Variants in TSHZ1 observed in about 807,000 individuals in gnomAD.
The protein encoded by TSHZ1 is teashirt zinc finger homeobox 1, also known as teashirt homolog 1.
A neutral mutation model predicts 67.1 loss-of-function variants in TSHZ1; 12 were observed. The ratio of observed to expected loss-of-function variants is 0.18; its 90% CI spans 0.11 to 0.29. The LOEUF is 0.29. Among genes scored for constraint, TSHZ1 ranks in the 10% least tolerant of loss-of-function variants. The pLI, the probability that TSHZ1 is intolerant of heterozygous loss-of-function variation, is 1.00. For synonymous variants in TSHZ1, 632 were observed against 622.4 expected, an observed-to-expected ratio of 1.02 and a Z score of -0.23; for missense variants, 1,305 against 1,413.9, an observed-to-expected ratio of 0.92 and a Z score of 1.23.
At chr18:75,262,336 A>G (rs1237755203) in intron 1 of TSHZ1, among the ~76,000 whole-genome samples, 2 of 152,226 alleles carry the variant, frequency 1.3e-5, no homozygotes, top group African/African-American at 2.4e-5. Context: ...GTTGTACTAC[A>G]TGACACTGAG....
At chr18:75,251,950 A>G (rs2023309418) in intron 1 of TSHZ1, among the ~76,000 whole-genome samples, 1 of 152,232 alleles carries the variant, frequency 6.6e-6, no homozygotes, top group Non-Finnish European at 1.5e-5. Flanking sequence ...AAACTTGAAC[A>G]AAGAAAAAAA....
At chr18:75,250,865 C>T (rs2023294277) in intron 1 of TSHZ1, among the ~76,000 whole-genome samples, 1 of 152,176 alleles carries the variant, frequency 6.6e-6, no homozygotes. Flanking sequence ...GAGGCCTGGC[C>T]GCAGTTCTGC....
chr18:75,255,406 A>G (rs1414644586), intron 1 of TSHZ1, among the ~76,000 whole-genome samples: 1 of 152,202 alleles, frequency 6.6e-6, no homozygotes, highest in Non-Finnish European at 1.5e-5. Context: ...TAGGAAACAA[A>G]TATGCTAAAT....
intron 1 of TSHZ1, among the ~76,000 whole-genome samples, chr18:75,275,591 G>A (rs2023605802): frequency 6.6e-6 from 1 of 152,322 alleles, no homozygotes; most frequent in Admixed American, 6.5e-5. Flanking sequence ...TACCCTGGCT[G>A]ATGAAAGTCC....
At chr18:75,238,518 GACTA>G (rs562143575) in intron 1 of TSHZ1, among the ~76,000 whole-genome samples, 87 of 152,206 alleles carry the variant, frequency 5.7e-4, no homozygotes, top group Admixed American at 1.6e-3. Flanking sequence ...CTTGGAGTGA[GACTA>G]ACTGAGAAGA....
At chr18:75,268,562 G>C (rs2023519912) in intron 1 of TSHZ1, among the ~76,000 whole-genome samples, 1 of 152,144 alleles carries the variant, frequency 6.6e-6, no homozygotes. Flanking sequence ...CCCCGTGTCG[G>C]CTACAAAACC....
chr18:75,254,544 C>G lies in TSHZ1; in HGVS notation c.41-30904C>G, dbSNP rs905554966. 2.6e-5 allele frequency among the ~76,000 whole-genome samples: 4 copies of G among 152,138 alleles called. No individual in the cohort carries two copies. In the East Asian group the frequency reaches 7.7e-4, roughly 29 times the overall value. ...TTAAATTTTATTGTTCTGTTACACA[C>G]AGTTCTGATATTCACGAGTATCTTC... On this transcript the variant is annotated intron_variant, in intron 1 of 1. Coordinates refer to ENST00000580243, the MANE Select transcript of TSHZ1 (RefSeq NM_001308210.2).
chr18:75,232,229 A>T (rs7244710), intron 1 of TSHZ1, among the ~76,000 whole-genome samples: 35,278 of 152,082 alleles, frequency 0.23, 4,130 homozygotes, highest in East Asian at 0.33. Context: ...TTAGTAATTG[A>T]GGCTAGATTT....
At chr18:75,216,115 A>G (rs907319197) in intron 1 of TSHZ1, among the ~76,000 whole-genome samples, 1 of 152,196 alleles carries the variant, frequency 6.6e-6, no homozygotes, top group Non-Finnish European at 1.5e-5. Context: ...ATTATTATTT[A>G]TTCATACAGG....
intron 1 of TSHZ1, among the ~76,000 whole-genome samples, chr18:75,217,362 C>T (rs1391605763): frequency 6.6e-6 from 1 of 152,028 alleles, no homozygotes; most frequent in Non-Finnish European, 1.5e-5. Context: ...CTAGTTTGTC[C>T]CCTCTCCCCT....
rs2023742998 is a variant in TSHZ1 at position 75,285,630 on chromosome 18, G to A, written c.223G>A (p.Gly75Arg). Residue 75 changes from glycine to arginine, a missense_variant, in exon 2 of 2, where the codon GGG becomes AGG. Physicochemically the swap from Gly to Arg is moderately radical, Grantham distance 125. Around this residue, in one of 3 missense-constraint regions of TSHZ1, gnomAD observed 358 missense variants for 375.6 expected, o/e 0.95. Transcript: ENST00000580243. ...SSATNQDAGY[G>R]SPFSESSDQL... ...TGCGACTAACCAGGACGCCGGCTAC[G>A]GGTCGCCCTTCAGTGAGAGCAGCGA... 5 of 1,613,256 alleles carry A rather than the reference G, an allele frequency of 3.1e-6. No homozygotes were observed. Among genetic ancestry groups the A allele is most frequent in the East Asian group, 4.5e-5 (2 of 44,864 alleles).
At chr18:75,262,746 C>T (rs536780323) in intron 1 of TSHZ1, among the ~76,000 whole-genome samples, 9 of 152,268 alleles carry the variant, frequency 5.9e-5, no homozygotes, top group South Asian at 2.1e-4. Context: ...CTCTTCTCAG[C>T]GTCTTTCCTC....
At chr18:75,230,920 G>C (rs2022990263) in intron 1 of TSHZ1, among the ~76,000 whole-genome samples, 1 of 152,200 alleles carries the variant, frequency 6.6e-6, no homozygotes, top group Admixed American at 6.5e-5. Context: ...TGCCATCAGT[G>C]GATGGGAGGT....
chr18:75,280,581 G>A lies in TSHZ1; in HGVS notation c.41-4867G>A, dbSNP rs548519798. Among the ~76,000 whole-genome samples, 7 of 152,316 alleles carry A rather than the reference G, an allele frequency of 4.6e-5. No homozygotes were observed. The East Asian group carries it at 7.7e-4, about 17-fold the overall frequency. ...GACCAGGGCTGGGAGTCAGTGACTC[G>A]CTTTCAAATCATGTTTCCATCATTT... is the stretch of plus-strand genomic sequence containing the variant. On this transcript the variant is annotated intron_variant, in intron 1 of 1. Transcript: ENST00000580243.
chr18:75,283,928 C>T (rs1458423412), intron 1 of TSHZ1: 1 of 152,144 alleles, frequency 6.6e-6, no homozygotes. Flanking sequence ...GTCGTGTTCC[C>T]TCAGGCCCTG....
At chr18:75,283,691 G>A (rs77656124) in intron 1 of TSHZ1, 7,385 of 152,366 alleles carry the variant, frequency 0.048, 233 homozygotes, top group South Asian at 0.073. Context: ...CCACATGACC[G>A]ATTCAGTCGT....
intron 1 of TSHZ1, among the ~76,000 whole-genome samples, chr18:75,225,106 C>T (rs912885246): frequency 6.6e-6 from 1 of 152,166 alleles, no homozygotes; most frequent in Admixed American, 6.5e-5. Context: ...TCTGGGCCCT[C>T]CTGCCATTTT....
rs373474395 is a variant in TSHZ1 at position 75,287,327 on chromosome 18, G to A, written c.1920G>A (p.Glu640=). 4 of 1,614,058 alleles carry A rather than the reference G, an allele frequency of 2.5e-6. No homozygotes were observed. The highest frequency in any genetic ancestry group is 2.5e-6 in the Non-Finnish European group (3 of 1,180,050). Residue 640 remains glutamate, a synonymous_variant, in exon 2 of 2, where the codon GAG becomes GAA. Transcript: ENST00000580243. The surrounding 1 kb of genome is among the most constrained non-coding windows in gnomAD (Gnocchi z 5.0). ...ACAAGAGCAACGTGTCTGCCATGGA[G>A]GAGCTGGTGGAGAAGGTCACGGGCA... ...PPHKSNVSAM[E]ELVEKVTGKV... is the part of the protein sequence containing the mutation.
At chr18:75,273,990 C>T (rs567599582) in intron 1 of TSHZ1, among the ~76,000 whole-genome samples, 2 of 152,324 alleles carry the variant, frequency 1.3e-5, no homozygotes, top group East Asian at 3.9e-4. Context: ...CCCACCCACA[C>T]ATGCATGCGC....
Sources: gnomAD v4.1 joint callset for allele counts (sites outside exome capture counted in the v4.1 genomes callset) on GRCh38, gnomAD v4.1.1 for gene constraint, gnomAD v4.1.1 regional missense constraint, Gnocchi (gnomAD v3.1) non-coding constraint, MANE v1.5 for transcripts, NCBI Gene and HGNC (gene_info 2026-07-23, HGNC 2026-07-21) for gene names.